Variants in DRG1 observed in about 807,000 individuals in gnomAD.
DRG1 encodes developmentally-regulated GTP-binding protein 1.
In DRG1, 19 loss-of-function variants were observed where a neutral mutation model predicts 38.8. The observed-to-expected ratio is 0.49, with a 90% CI of 0.34 to 0.72. The LOEUF (loss-of-function observed/expected upper bound fraction) is 0.72, where lower values mean the gene tolerates loss of function less well. Among genes scored for constraint, DRG1 ranks in the 30% least tolerant of loss-of-function variants. The pLI, the probability that DRG1 is intolerant of heterozygous loss-of-function variation, is 0.01. For missense variants in DRG1, 299 were observed against 444.8 expected (o/e 0.67, Z 2.95); for synonymous variants, 167 against 157.5 (o/e 1.06, Z -0.45).
At chr22:31,420,497 C>T in intron 5 of DRG1, 72 bp downstream of exon 5, 1 of 1,559,594 alleles carries the variant, frequency 6.4e-7, no homozygotes, top group Non-Finnish European at 8.7e-7. Context: ...GGTGCATGGA[C>T]CCTGACATTG....
Position 31,399,637 on chromosome 22 carries a change from G to C in DRG1, c.-47G>C. On this transcript the variant is annotated 5_prime_UTR_variant, in exon 1 of 9. Transcript: ENST00000331457. ...CTGGTGGCGGTGGCAGTTTGCCCGC[G>C]GGTGTGTGAAGGGAGACAGTGTGGA... The C allele has an allele frequency of 6.2e-7, 1 of 1,613,884 alleles. No individual in the cohort carries two copies.
At chr22:31,399,875 C>G (rs796895157) in intron 1 of DRG1, 150 bp downstream of exon 1, 1 of 1,137,404 alleles carries the variant, frequency 8.8e-7, no homozygotes, top group South Asian at 1.3e-5. Context: ...TGCCCTCTGC[C>G]ACGATTAGGA....
chr22:31,403,973 A>G (rs1424836841), intron 3 of DRG1, among the ~76,000 whole-genome samples: 2 of 139,056 alleles, frequency 1.4e-5, no homozygotes, highest in Non-Finnish European at 3.0e-5. Context: ...GCTCAAGAGA[A>G]TAACTTTTTT....
At chr22:31,410,881 G>A (rs750780807) in intron 3 of DRG1, 131 bp from the exon 4 acceptor site, 52 of 857,640 alleles carry the variant, frequency 6.1e-5, no homozygotes, top group South Asian at 5.5e-4. Flanking sequence ...TCACACACTC[G>A]CTTATAAGGA....
rs1018619054 is a variant in DRG1, at chr22:31,433,816, T to C, written c.1005-56T>C. 6 of 1,538,112 alleles carry C rather than the reference T, an allele frequency of 3.9e-6. No individual in the cohort carries two copies. In the Admixed American group the frequency reaches 5.1e-5, roughly 13 times the overall value. On this transcript the variant is annotated intron_variant, in intron 8 of 8. Coordinates refer to ENST00000331457, the MANE Select transcript of DRG1 (RefSeq NM_004147.4). ...AGCAGAAGGGTGGCATCCAGGCAAA[T>C]AGGGCAGAAGCTAGGTTATTATTTA... is the stretch of plus-strand genomic sequence containing the variant.
intron 5 of DRG1, chr22:31,421,279 A>ATTTTTTTTTT (rs201178656): frequency 1.7e-5 from 2 of 119,580 alleles, no homozygotes; most frequent in Non-Finnish European, 1.7e-5. Context: ...GGCTTGGCTA[A>ATTTTTTTTTT]TTTTTTTTTT....
chr22:31,408,476 T>C (rs1317307194), intron 3 of DRG1, among the ~76,000 whole-genome samples: 1 of 150,988 alleles, frequency 6.6e-6, no homozygotes, highest in East Asian at 2.0e-4. Context: ...GGCCAGACAC[T>C]GTGTCTCATG....
intron 5 of DRG1, among the ~76,000 whole-genome samples, chr22:31,422,602 T>C (rs2050083108): frequency 6.6e-6 from 1 of 152,160 alleles, no homozygotes; most frequent in South Asian, 2.1e-4. Flanking sequence ...GACTGAGAGT[T>C]TCCTACTAAA....
intron 2 of DRG1, 71 bp from the exon 3 acceptor site, chr22:31,402,958 G>T (rs2049971087): frequency 2.0e-6 from 3 of 1,498,896 alleles, no homozygotes; most frequent in Non-Finnish European, 2.7e-6. Context: ...GTAAAAATGT[G>T]AAAGAAGTTA....
At chr22:31,425,704 G>A (rs1334386980) in intron 6 of DRG1, among the ~76,000 whole-genome samples, 3 of 152,180 alleles carry the variant, frequency 2.0e-5, no homozygotes, top group African/African-American at 4.8e-5. Context: ...GCCTCCCAAC[G>A]TGTTGGGATT....
chr22:31,407,339 T>C (rs2051327597), intron 3 of DRG1, among the ~76,000 whole-genome samples: 1 of 152,156 alleles, frequency 6.6e-6, no homozygotes, highest in Non-Finnish European at 1.5e-5. Flanking sequence ...TATTGTACTT[T>C]TGCCTCATGG....
chr22:31,402,800 G>A (rs956104691), intron 2 of DRG1, among the ~76,000 whole-genome samples: 2 of 152,128 alleles, frequency 1.3e-5, no homozygotes, highest in African/African-American at 4.8e-5. Context: ...GTGTGCCACT[G>A]TGCCTGACTT....
Position 31,434,143 on chromosome 22 carries a change from G to A in DRG1, c.*172G>A, listed in dbSNP as rs2050158831. 1 of 581,290 alleles carries A rather than the reference G, an allele frequency of 1.7e-6. No individual in the cohort carries two copies. The highest frequency in any genetic ancestry group is 3.0e-5 in the East Asian group (1 of 33,548). 36.0% of individuals were successfully genotyped at this position (581,290 alleles called of 1,614,324 possible). A position where few individuals can be genotyped will look rare whatever the true frequency, so the allele number is the denominator to read the frequency against. ...GTCTTACCTTGGTGTCACCTTGTAT[G>A]TCGAACTGCATAAAAGATCTGGTAG... On this transcript the variant is annotated 3_prime_UTR_variant, in exon 9 of 9. Transcript: ENST00000331457.
At chr22:31,421,769 C>T (rs2050078242) in intron 5 of DRG1, among the ~76,000 whole-genome samples, 1 of 151,982 alleles carries the variant, frequency 6.6e-6, no homozygotes, top group Non-Finnish European at 1.5e-5. Flanking sequence ...TGGTGATTAT[C>T]AACTTTAATG....
chr22:31,426,679 A>G lies in DRG1; in HGVS notation c.778A>G (p.Ile260Val). ...IDQISIEELD[I>V]IYKVPHCVPI... ...CCAAATCTCCATTGAGGAATTGGAT[A>G]TCATCTATAAGGTGCCTCACTGTGT... Residue 260 changes from isoleucine to valine, a missense_variant, in exon 7 of 9, where the codon ATC becomes GTC. Ile to Val is a conservative substitution (Grantham distance 29). Transcript: ENST00000331457. 6.2e-7 allele frequency: 1 copy of G among 1,614,090 alleles called. No homozygotes were observed. Among genetic ancestry groups the G allele is most frequent in the Non-Finnish European group, 8.5e-7 (1 of 1,179,966 alleles).
intron 6 of DRG1, among the ~76,000 whole-genome samples, chr22:31,425,720 C>A (rs2050106213): frequency 6.6e-6 from 1 of 152,180 alleles, no homozygotes; most frequent in African/African-American, 2.4e-5. Flanking sequence ...GGATTATAGG[C>A]ATAAGCCACT....
intron 5 of DRG1, among the ~76,000 whole-genome samples, chr22:31,421,836 G>A (rs1388471109): frequency 1.3e-5 from 2 of 152,152 alleles, no homozygotes; most frequent in African/African-American, 4.8e-5. Flanking sequence ...AGAAAAGAGA[G>A]CTGGGTGCAG....
At chr22:31,429,297 TTAG>T (rs1300579448) in intron 8 of DRG1, among the ~76,000 whole-genome samples, 4 of 152,016 alleles carry the variant, frequency 2.6e-5, no homozygotes, top group Admixed American at 6.6e-5. Context: ...TTTTGTATTT[TTAG>T]TAGAAATTTT....
At chr22:31,400,059 GAA>G (rs200820850) in intron 1 of DRG1, among the ~76,000 whole-genome samples, 2,262 of 152,106 alleles carry the variant, frequency 0.015, 17 homozygotes, top group Middle Eastern at 0.024. Context: ...TTTGCTCTGA[GAA>G]ACACTGAATC....
Sources: allele counts gnomAD v4.1 joint callset (sites outside exome capture counted in the v4.1 genomes callset), GRCh38; gene constraint gnomAD v4.1.1; transcripts MANE v1.5; gene names NCBI Gene and HGNC (gene_info 2026-07-23, HGNC 2026-07-21).